MMP26: variants seen among roughly 807,000 people sequenced by gnomAD.
The protein encoded by MMP26 is matrix metalloproteinase-26.
MMP26 carries 33 observed loss-of-function variants against 31.0 expected under a neutral mutation model. The observed-to-expected ratio is 1.06, with a 90% CI of 0.81 to 1.42. The LOEUF (loss-of-function observed/expected upper bound fraction) is 1.42. MMP26 is among the 40% of genes most tolerant of loss of function. MMP26 has a pLI of 0.00. For synonymous variants in MMP26, 122 were observed against 114.9 expected (o/e 1.06, Z -0.40); for missense variants, 347 against 316.1 (o/e 1.10, Z -0.74).
At chr11:4,963,470 C>T (rs1185926265) in intron 2 of MMP26, among the ~76,000 whole-genome samples, 2 of 152,186 alleles carry the variant, frequency 1.3e-5, no homozygotes, top group Non-Finnish European at 2.9e-5. Context: ...CATCATACTA[C>T]CTGACTTCAA....
chr11:4,779,293 C>A (rs1439788800), intron 2 of MMP26, among the ~76,000 whole-genome samples: 2 of 151,524 alleles, frequency 1.3e-5, no homozygotes, highest in Admixed American at 6.6e-5. Context: ...AGATTCATCA[C>A]TTTTTTCATA....
At chr11:4,824,300 C>T (rs1849552623) in intron 2 of MMP26, among the ~76,000 whole-genome samples, 1 of 152,218 alleles carries the variant, frequency 6.6e-6, no homozygotes, top group South Asian at 2.1e-4. Flanking sequence ...GTTCATTTAG[C>T]TCGTCTCCAG....
intron 2 of MMP26, chr11:4,848,385 A>G (rs1564793069): frequency 6.2e-7 from 1 of 1,614,076 alleles, no homozygotes; most frequent in Non-Finnish European, 8.5e-7. Flanking sequence ...ATGCTGAGTG[A>G]TTGGCAGCTC....
rs796531454 is a variant in MMP26 at position 4,704,991 on chromosome 11, C to A, written c.-271C>A. The A allele has an allele frequency of 9.8e-5, 15 of 152,306 alleles. No homozygotes were observed. Among genetic ancestry groups the A allele is most frequent in the African/African-American group, 3.6e-4 (15 of 41,570 alleles). The allele number at this position is 152,306 out of a possible 1,614,324, so 9.4% of individuals were successfully genotyped here. A position where few individuals can be genotyped will look rare whatever the true frequency, so the allele number is the denominator to read the frequency against. ...CTGTGTGGGATGATCCTTCAAATAG[C>A]AGGGGGCAGGATCAAATAACCTCAC... On this transcript the variant is annotated 5_prime_UTR_variant, in exon 1 of 8. Transcript: ENST00000380390.
chr11:4,947,415 CT>C, intron 2 of MMP26: 1 of 219,230 alleles, frequency 4.6e-6, no homozygotes, highest in Non-Finnish European at 9.0e-6. Context: ...TTAGTAAACG[CT>C]GGTCAATTAA....
At chr11:4,916,745 G>A (rs897227558) in intron 2 of MMP26, among the ~76,000 whole-genome samples, 1 of 152,164 alleles carries the variant, frequency 6.6e-6, no homozygotes, top group African/African-American at 2.4e-5. Flanking sequence ...GACTGCTAGA[G>A]TAAGACATCA....
intron 2 of MMP26, among the ~76,000 whole-genome samples, chr11:4,780,126 T>C (rs1440530079): frequency 6.6e-6 from 1 of 152,192 alleles, no homozygotes; most frequent in Non-Finnish European, 1.5e-5. Context: ...TTTTTCAATT[T>C]TGAATTACTA....
intron 2 of MMP26, among the ~76,000 whole-genome samples, chr11:4,774,096 A>G (rs1457520009): frequency 6.6e-6 from 1 of 152,228 alleles, no homozygotes. Flanking sequence ...GCTGCAATGA[A>G]CATACATGTA....
At chr11:4,804,450 GTTA>G (rs1849236095) in intron 2 of MMP26, 3 of 1,216,486 alleles carry the variant, frequency 2.5e-6, no homozygotes, top group Non-Finnish European at 2.4e-6. Context: ...CAAAACAAGT[GTTA>G]TTATTATATA....
chr11:4,805,838 T>C (rs1849260280), intron 2 of MMP26, among the ~76,000 whole-genome samples: 1 of 152,132 alleles, frequency 6.6e-6, no homozygotes, highest in Non-Finnish European at 1.5e-5. Context: ...CTCTTTGAGT[T>C]TTTTGGTGAT....
intron 2 of MMP26, among the ~76,000 whole-genome samples, chr11:4,915,896 G>C (rs113119333): frequency 1.3e-5 from 2 of 152,318 alleles, no homozygotes; most frequent in African/African-American, 4.8e-5. Flanking sequence ...ATGGAATTGT[G>C]AAGTGATGAG....
chr11:4,952,808 C>T (rs772120505), intron 2 of MMP26, among the ~76,000 whole-genome samples: 1 of 124,844 alleles, frequency 8.0e-6, no homozygotes, highest in African/African-American at 2.7e-5. Flanking sequence ...GGAAGCACAT[C>T]GTGCATGTAT....
At chr11:4,939,999 A>C (rs777634287) in intron 2 of MMP26, among the ~76,000 whole-genome samples, 3 of 152,038 alleles carry the variant, frequency 2.0e-5, no homozygotes, top group African/African-American at 7.2e-5. Flanking sequence ...TAAAGATTGC[A>C]TTATTCTTTA....
chr11:4,720,371 T>G (rs1847993750), intron 1 of MMP26, among the ~76,000 whole-genome samples: 1 of 152,164 alleles, frequency 6.6e-6, no homozygotes, highest in Non-Finnish European at 1.5e-5. Context: ...AAGAAGCAAA[T>G]ACAGAAATAT....
chr11:4,723,393 C>T, intron 1 of MMP26: 1 of 953,668 alleles, frequency 1.0e-6, no homozygotes. Context: ...TGTACTGCGC[C>T]TTGACCTCAG....
intron 2 of MMP26, among the ~76,000 whole-genome samples, chr11:4,959,646 A>T (rs970525223): frequency 2.6e-5 from 4 of 152,100 alleles, no homozygotes; most frequent in Non-Finnish European, 4.4e-5. Context: ...GTGTGCAGGG[A>T]ATTCATATTA....
At chr11:4,926,194 C>T (rs1316193781) in intron 2 of MMP26, among the ~76,000 whole-genome samples, 1 of 151,598 alleles carries the variant, frequency 6.6e-6, no homozygotes, top group Non-Finnish European at 1.5e-5. Context: ...AGAATAAAAC[C>T]ATTCTTGTTT....
Position 4,871,472 on chromosome 11 carries a change from AT to A in MMP26, c.-145+104132del, listed in dbSNP as rs201862793. On this transcript the variant is annotated intron_variant, in intron 2 of 7. Coordinates refer to ENST00000380390, the MANE Select transcript of MMP26 (RefSeq NM_021801.5). ...GATGCACGTTCATATAGGACTGAGA[AT>A]AATTCTGCGTTTGGATGGGTTGCTA... Among the ~76,000 whole-genome samples the A allele has an allele frequency of 9.0e-3, 1,370 of 152,216 alleles. 25 individuals are homozygous for A. The highest frequency in any genetic ancestry group is 0.03 in the African/African-American group (1,251 of 41,548).
Position 4,750,442 on chromosome 11 carries a change from A to G in MMP26, c.-216-16828A>G, listed in dbSNP as rs1848433779. On this transcript the variant is annotated intron_variant, in intron 1 of 7. Coordinates refer to ENST00000380390, the MANE Select transcript of MMP26 (RefSeq NM_021801.5). ...TGAGTAGTTTCCCAAGGGAACATAA[A>G]TTATTATATATTTTTAAAACCTGTA... is the stretch of plus-strand genomic sequence containing the variant. 2.0e-5 allele frequency among the ~76,000 whole-genome samples: 3 copies of G among 152,046 alleles called. No homozygotes were observed. In the South Asian group the frequency reaches 6.2e-4, roughly 31 times the overall value.
Sources: allele counts gnomAD v4.1 joint callset (sites outside exome capture counted in the v4.1 genomes callset), GRCh38; gene constraint gnomAD v4.1.1; transcripts MANE v1.5; gene names NCBI Gene and HGNC (gene_info 2026-07-23, HGNC 2026-07-21).